The following HMGN3 variants were observed in gnomAD, a reference collection of about 807,000 sequenced individuals.
The protein encoded by HMGN3 is high mobility group nucleosomal binding domain 3, also known as high mobility group nucleosome-binding domain-containing protein 3.
A neutral mutation model predicts 18.8 loss-of-function variants in HMGN3; 6 were observed. That is an observed-to-expected ratio of 0.32 (90% CI 0.18 to 0.63). The LOEUF (loss-of-function observed/expected upper bound fraction) is 0.63. HMGN3 is among the 30% of genes least tolerant of loss of function. HMGN3 has a pLI of 0.79. For synonymous variants in HMGN3, 40 were observed against 36.5 expected (o/e 1.10, Z -0.35); for missense variants, 107 against 114.2 (o/e 0.94, Z 0.29).
chr6:79,213,383 T>C (rs149904923), intron 2 of HMGN3, among the ~76,000 whole-genome samples: 54 of 152,374 alleles, frequency 3.5e-4, no homozygotes, highest in African/African-American at 1.2e-3. Context: ...AATCAAAGAT[T>C]ACTGGGTGCC....
chr6:79,226,635 A>G (rs1449922549), intron 1 of HMGN3, among the ~76,000 whole-genome samples: 3 of 152,232 alleles, frequency 2.0e-5, no homozygotes, highest in Non-Finnish European at 4.4e-5. Context: ...CCAGGCATTC[A>G]GGAAATAGCT....
At chr6:79,204,897 T>C (rs759206070) in intron 3 of HMGN3, among the ~76,000 whole-genome samples, 1 of 152,236 alleles carries the variant, frequency 6.6e-6, no homozygotes, top group African/African-American at 2.4e-5. Flanking sequence ...TTAAAACATT[T>C]TGTCATCCTA....
intron 2 of HMGN3, among the ~76,000 whole-genome samples, chr6:79,212,898 T>C (rs1045325012): frequency 5.9e-5 from 9 of 152,184 alleles, no homozygotes; most frequent in Non-Finnish European, 1.0e-4. Context: ...TAACTGACCT[T>C]TTCACTTTTT....
intron 2 of HMGN3, among the ~76,000 whole-genome samples, chr6:79,210,131 A>G (rs1392011847): frequency 1.3e-5 from 2 of 152,190 alleles, no homozygotes; most frequent in Non-Finnish European, 2.9e-5. Flanking sequence ...GTCCCTGGGA[A>G]CCAGAATCCA....
chr6:79,213,793 G>A lies in HMGN3; in HGVS notation c.66+1179C>T, dbSNP rs182903291. Among the ~76,000 whole-genome samples, 211 of 152,246 alleles carry A rather than the reference G, an allele frequency of 1.4e-3. 7 individuals are homozygous for A. Among genetic ancestry groups the A allele is most frequent in the Admixed American group, 0.014 (207 of 15,304 alleles). The stretch of plus-strand genomic sequence containing the variant: ...TCTTGTGCAGGGGTTTTGGTATCAC[G>A]ATAAACTCCTCTGAATTATTAACCA... On this transcript the variant is annotated intron_variant, in intron 2 of 5. Coordinates refer to ENST00000344726, the Ensembl canonical transcript of HMGN3.
At chr6:79,215,097 T>G in intron 1 of HMGN3, 75 bp from the exon 2 acceptor site, 2 of 888,412 alleles carry the variant, frequency 2.3e-6, no homozygotes. Flanking sequence ...TAAAAAGTTA[T>G]CTCATTCCCA....
intron 1 of HMGN3, among the ~76,000 whole-genome samples, chr6:79,230,480 T>G (rs1777787356): frequency 1.3e-5 from 2 of 152,228 alleles, no homozygotes; most frequent in South Asian, 4.1e-4. Flanking sequence ...CTCTCATAAC[T>G]GAGAGTGCTG....
intron 1 of HMGN3, among the ~76,000 whole-genome samples, chr6:79,225,863 T>C (rs898132246): frequency 6.6e-6 from 1 of 152,186 alleles, no homozygotes; most frequent in Admixed American, 6.5e-5. Flanking sequence ...AGGCCAGCCT[T>C]AGGGCAGGAT....
chr6:79,225,622 T>C (rs1162930132), intron 1 of HMGN3, among the ~76,000 whole-genome samples: 11 of 152,222 alleles, frequency 7.2e-5, no homozygotes, highest in Non-Finnish European at 1.3e-4. Context: ...ATTCTATATA[T>C]AGCAAATTGA....
intron 2 of HMGN3, among the ~76,000 whole-genome samples, chr6:79,209,448 G>A (rs1428993661): frequency 6.6e-6 from 1 of 152,144 alleles, no homozygotes; most frequent in African/African-American, 2.4e-5. Flanking sequence ...AAGTGCCCTA[G>A]AAATAAATAC....
At chr6:79,219,093 T>A (rs1170843610) in intron 1 of HMGN3, among the ~76,000 whole-genome samples, 4 of 152,158 alleles carry the variant, frequency 2.6e-5, no homozygotes, top group Admixed American at 6.5e-5. Context: ...AAGTAAAGTC[T>A]TGACTCCCCA....
chr6:79,233,816 G>A (rs1052579990), intron 1 of HMGN3: 6 of 152,412 alleles, frequency 3.9e-5, no homozygotes, highest in African/African-American at 1.4e-4. Flanking sequence ...GTGGGTTCCA[G>A]TCGCTGGGGA....
intron 1 of HMGN3, among the ~76,000 whole-genome samples, chr6:79,217,496 T>C (rs1777050821): frequency 6.6e-6 from 1 of 152,224 alleles, no homozygotes; most frequent in African/African-American, 2.4e-5. Flanking sequence ...TCATAAACTG[T>C]AAATTGTTAC....
At chr6:79,203,554 C>T in intron 4 of HMGN3, 26 bp downstream of exon 4, 1 of 1,599,020 alleles carries the variant, frequency 6.3e-7, no homozygotes, top group African/African-American at 1.3e-5. Context: ...TTTAAAAAGC[C>T]AAAAGTGGGA....
intron 1 of HMGN3, among the ~76,000 whole-genome samples, chr6:79,223,458 C>T (rs1240228189): frequency 2.0e-5 from 3 of 152,146 alleles, no homozygotes; most frequent in Non-Finnish European, 2.9e-5. Flanking sequence ...TTGCAGTGAG[C>T]CGAGATCGCG....
At chr6:79,202,280 T>G (rs1385037983) in exon 5 of HMGN3, 7 of 1,614,006 alleles carry the variant, frequency 4.3e-6, no homozygotes, top group Non-Finnish European at 5.9e-6. Flanking sequence ...AAGTACCTCT[T>G]CAGCTTTAGT....
intron 1 of HMGN3, among the ~76,000 whole-genome samples, chr6:79,215,787 C>T (rs114851916): frequency 1.6e-3 from 240 of 152,010 alleles, no homozygotes; most frequent in African/African-American, 5.7e-3. Flanking sequence ...TGCACATGTC[C>T]CAATATTTTT....
chr6:79,208,197 T>C (rs1056192292), intron 3 of HMGN3, among the ~76,000 whole-genome samples: 18 of 152,186 alleles, frequency 1.2e-4, no homozygotes, highest in Non-Finnish European at 1.9e-4. Flanking sequence ...AAAGTATGAG[T>C]TGTGGACAGA....
chr6:79,210,844 A>C (rs1776651018), intron 2 of HMGN3, among the ~76,000 whole-genome samples: 1 of 152,072 alleles, frequency 6.6e-6, no homozygotes, highest in Admixed American at 6.6e-5. Context: ...TGAACATACC[A>C]AATAGACTAA....
Sources: allele counts gnomAD v4.1 joint callset (sites outside exome capture counted in the v4.1 genomes callset), GRCh38; gene constraint gnomAD v4.1.1; transcripts MANE v1.5; gene names NCBI Gene and HGNC (gene_info 2026-07-23, HGNC 2026-07-21).